Variants in CA6 observed in about 807,000 individuals in gnomAD.
CA6 encodes the protein carbonate dehydratase VI.
Under a neutral mutation model 35.9 loss-of-function variants are expected in CA6, and 28 were observed. The observed-to-expected ratio is 0.78, with a 90% confidence interval of 0.58 to 1.07. The LOEUF is 1.07. Among genes scored for constraint, CA6 ranks in the 50% least tolerant of loss-of-function variants. The pLI, the probability that CA6 is intolerant of heterozygous loss-of-function variation, is 0.00. For synonymous variants in CA6, 148 were observed against 152.6 expected, an observed-to-expected ratio of 0.97 and a Z score of 0.22; for missense variants, 377 against 382.0, an observed-to-expected ratio of 0.99 and a Z score of 0.11.
In CA6 at chr1:8,970,881, G is replaced by T. The variant is rs773556551; in HGVS notation, c.744G>T (p.Glu248Asp). ...KLSRTQVWKL[E>D]NSLLDHRNKT... ...GTTGCCCCCAGGTTTGGAAGCTGGAGAATTCCTTACTGGATCACCGCAACA... is the reference window on the plus strand; with the variant it reads ...GTTGCCCCCAGGTTTGGAAGCTGGATAATTCCTTACTGGATCACCGCAACA... Residue 248 changes from glutamate to aspartate, a missense_variant, in exon 7 of 8, where the codon GAG (glutamate) becomes GAT (aspartate). Glu to Asp is a conservative substitution (Grantham distance 45). Transcript: ENST00000377443. The T allele has an allele frequency of 3.7e-6, 6 of 1,612,606 alleles. No homozygotes were observed. Among genetic ancestry groups the T allele is most frequent in the Non-Finnish European group, 5.1e-6 (6 of 1,178,770 alleles).
At chr1:8,955,516 A>G (rs61784252) in intron 2 of CA6, among the ~76,000 whole-genome samples, 15,142 of 148,566 alleles carry the variant, frequency 0.1, 804 homozygotes, top group South Asian at 0.14. Context: ...AATTGTGAGG[A>G]CCTCTCTCAT....
chr1:8,959,046 G>A, intron 4 of CA6, 44 bp downstream of exon 4: 1 of 1,156,812 alleles, frequency 8.6e-7, no homozygotes, highest in Non-Finnish European at 1.3e-6. Flanking sequence ...GAAGTTATAG[G>A]TTGATGTCCA....
At chr1:8,959,806 C>G (rs915190915) in intron 4 of CA6, among the ~76,000 whole-genome samples, 1 of 151,710 alleles carries the variant, frequency 6.6e-6, no homozygotes, top group Admixed American at 6.6e-5. Flanking sequence ...GTGGCAGGCG[C>G]CTGTAATTCC....
rs367919285 is a variant in CA6 at position 8,951,231 on chromosome 1, AAAG to A, written c.259+1792_259+1794del. Among the ~76,000 whole-genome samples, 65 of 126,332 alleles carry A rather than the reference AAAG, an allele frequency of 5.1e-4. 3 individuals are homozygous for A. Among genetic ancestry groups the A allele is most frequent in the Admixed American group, 3.4e-3 (44 of 12,880 alleles). 82.9% of individuals were successfully genotyped at this position (126,332 alleles called of 152,430 possible). ...AACTCCATCTCAAAGAAAAAAAAAA[AAAG>A]AAAGAAAGAAAACCAATTGTCCTTT... On this transcript the variant is annotated intron_variant, in intron 2 of 7. Transcript: ENST00000377443.
At chr1:8,969,734 T>C (rs1385883087) in intron 6 of CA6, among the ~76,000 whole-genome samples, 2 of 152,030 alleles carry the variant, frequency 1.3e-5, no homozygotes, top group Admixed American at 1.3e-4. Flanking sequence ...ATTTAAAAAT[T>C]AGCCAGAAAG....
At chr1:8,974,117 G>T (rs1405934980) in intron 7 of CA6, among the ~76,000 whole-genome samples, 1 of 152,064 alleles carries the variant, frequency 6.6e-6, no homozygotes, top group Non-Finnish European at 1.5e-5. Context: ...GAGCCATCGC[G>T]CCTGGCCAGG....
intron 6 of CA6, 143 bp downstream of exon 6, chr1:8,967,959 CA>C: frequency 2.3e-5 from 12 of 517,342 alleles, no homozygotes; most frequent in South Asian, 8.7e-5. Context: ...CTCGTCTAGC[CA>C]ACCTTTTTTT....
At chr1:8,948,339 AC>A (rs1469174635) in intron 1 of CA6, among the ~76,000 whole-genome samples, 1 of 152,054 alleles carries the variant, frequency 6.6e-6, no homozygotes, top group Non-Finnish European at 1.5e-5. Flanking sequence ...GAAAAGATAA[AC>A]TTTCTCCTTA....
chr1:8,965,934 T>G (rs1371041392), intron 5 of CA6, among the ~76,000 whole-genome samples: 2 of 151,744 alleles, frequency 1.3e-5, no homozygotes, highest in Non-Finnish European at 2.9e-5. Flanking sequence ...GGATATATGA[T>G]ATTTTGTGTA....
chr1:8,969,607 C>A (rs144593940), intron 6 of CA6, among the ~76,000 whole-genome samples: 22 of 151,940 alleles, frequency 1.4e-4, no homozygotes, highest in African/African-American at 5.1e-4. Context: ...TCAAGAATGC[C>A]AATTAGTTTC....
chr1:8,962,744 G>A, intron 5 of CA6, 88 bp downstream of exon 5: 1 of 1,171,184 alleles, frequency 8.5e-7, no homozygotes, highest in Non-Finnish European at 1.3e-6. Flanking sequence ...GGGGATTGAT[G>A]CTGGTGGGGA....
In CA6 at chr1:8,974,986, T is replaced by G. The variant is rs1177898958; in HGVS notation, c.*282T>G. The G allele has an allele frequency of 3.5e-6, 1 of 286,524 alleles. No individual in the cohort carries two copies. Among genetic ancestry groups the G allele is most frequent in the African/African-American group, 2.2e-5 (1 of 44,930 alleles). The allele number at this position is 286,524 out of a possible 1,614,324, so 17.7% of individuals were successfully genotyped here. ...TTAAAGGAAATGGAACCCTAACTATTCTCCCATCAAATCATATATGTTGAC... is the reference window on the plus strand; with the variant it reads ...TTAAAGGAAATGGAACCCTAACTATGCTCCCATCAAATCATATATGTTGAC... On this transcript the variant is annotated 3_prime_UTR_variant, in exon 8 of 8. Coordinates refer to ENST00000377443, the MANE Select transcript of CA6 (RefSeq NM_001215.4).
rs1010379325 is a variant in CA6, at chr1:8,974,775, C to T, written c.*71C>T. On this transcript the variant is annotated 3_prime_UTR_variant, in exon 8 of 8. Coordinates refer to ENST00000377443, the MANE Select transcript of CA6 (RefSeq NM_001215.4). ...CCTAGCCAGAAGTGCCTGTCCGCTGCAGCCGCACCCTACCTTGTCTAAGAA... is the reference window on the plus strand; with the variant it reads ...CCTAGCCAGAAGTGCCTGTCCGCTGTAGCCGCACCCTACCTTGTCTAAGAA... The T allele has an allele frequency of 1.2e-6, 1 of 823,650 alleles. No individual in the cohort carries two copies. Among genetic ancestry groups the T allele is most frequent in the Non-Finnish European group, 1.9e-6 (1 of 524,240 alleles). The allele number at this position is 823,650 out of a possible 1,614,324, so 51.0% of individuals were successfully genotyped here. A position where few individuals can be genotyped will look rare whatever the true frequency, so the allele number is the denominator to read the frequency against.
At chr1:8,962,135 G>A (rs1375770899) in intron 4 of CA6, among the ~76,000 whole-genome samples, 11 of 151,882 alleles carry the variant, frequency 7.2e-5, no homozygotes, top group African/African-American at 2.4e-4. Flanking sequence ...CCAGCTACTC[G>A]GGAGGCTGAG....
intron 5 of CA6, among the ~76,000 whole-genome samples, chr1:8,964,253 C>T (rs1015835485): frequency 2.6e-5 from 4 of 151,920 alleles, no homozygotes; most frequent in African/African-American, 4.8e-5. Context: ...CTCTCTCTCT[C>T]TTTTTTCTTT....
Position 8,967,639 on chromosome 1 carries a change from C to A in CA6, c.572-20C>A, listed in dbSNP as rs755080388. On this transcript the variant is annotated intron_variant, in intron 5 of 7. Transcript: ENST00000377443. ...AGCGCTGGTCCCTGACATTCTGTTA[C>A]CTTCTGTCTTCTTGGTCAGGACAAA... is the stretch of plus-strand genomic sequence containing the variant. The A allele has an allele frequency of 2.5e-6, 4 of 1,611,536 alleles. No individual in the cohort carries two copies. The highest frequency in any genetic ancestry group is 1.6e-4 in the Middle Eastern group (1 of 6,068).
chr1:8,960,824 G>A (rs1330921181), intron 4 of CA6, among the ~76,000 whole-genome samples: 1 of 146,978 alleles, frequency 6.8e-6, no homozygotes, highest in African/African-American at 2.5e-5. Flanking sequence ...GGAAAGGAGA[G>A]AGAGAAAGTG....
At chr1:8,974,427 G>A in intron 7 of CA6, 195 bp from the exon 8 acceptor site, 2 of 1,532,488 alleles carry the variant, frequency 1.3e-6, no homozygotes, top group Non-Finnish European at 8.7e-7. Flanking sequence ...CTTGGCTCTG[G>A]GCAGCTTAGA....
rs770540945 is a variant in CA6 at position 8,962,573 on chromosome 1, G to A, written c.502-14G>A. ...CTTCTTCACTTACGCTCAGTGCTCTGTGTTTCTCTGCAGGTGAAGAATTAC... is the reference window on the plus strand; with the variant it reads ...CTTCTTCACTTACGCTCAGTGCTCTATGTTTCTCTGCAGGTGAAGAATTAC... On this transcript the variant is annotated splice_polypyrimidine_tract_variant and intron_variant, in intron 4 of 7. Coordinates refer to ENST00000377443, the MANE Select transcript of CA6 (RefSeq NM_001215.4). 3.7e-6 allele frequency: 6 copies of A among 1,609,056 alleles called. No homozygotes were observed. The African/African-American group carries it at 6.7e-5, about 18-fold the overall frequency.
Sources: allele counts gnomAD v4.1 joint callset (sites outside exome capture counted in the v4.1 genomes callset), GRCh38; gene constraint gnomAD v4.1.1; transcripts MANE v1.5; gene names NCBI Gene and HGNC (gene_info 2026-07-23, HGNC 2026-07-21).